Variants in BRIP1 observed in about 807,000 individuals in gnomAD.
BRIP1 encodes BRCA1 interacting DNA helicase 1, also known as Fanconi anemia group J protein.
A neutral mutation model predicts 119.7 loss-of-function variants in BRIP1; 88 were observed. The ratio of observed to expected loss-of-function variants is 0.74; its 90% CI spans 0.62 to 0.88. BRIP1 has a LOEUF of 0.88. Among genes scored for constraint, BRIP1 ranks in the 40% least tolerant of loss-of-function variants. The pLI is 0.00. For synonymous variants in BRIP1, 443 were observed against 496.5 expected, an observed-to-expected ratio of 0.89 and a Z score of 1.43; for missense variants, 1,259 against 1,455.4, an observed-to-expected ratio of 0.87 and a Z score of 2.20.
At position 61,680,181 on chromosome 17, in the gene BRIP1, TAAAAA is replaced by T. The variant is rs35235448; in HGVS notation, c.*3110_*3114del. On this transcript the variant is annotated 3_prime_UTR_variant, in exon 20 of 20. Transcript: ENST00000259008. Reference sequence around the variant, plus strand: ...AACATGGTGAAACCCTGTCGATACTTAAAAAAAAAAAAAAAAAAAAATTAGCTGGG... The same window carrying T: ...AACATGGTGAAACCCTGTCGATACTTAAAAAAAAAAAAAAAATTAGCTGGG... Among the ~76,000 whole-genome samples, 1 of 127,942 alleles carries T rather than the reference TAAAAA, an allele frequency of 7.8e-6. No homozygotes were observed. Among genetic ancestry groups the T allele is most frequent in the African/African-American group, 2.9e-5 (1 of 34,448 alleles). The allele number at this position is 127,942 out of a possible 152,430, so 83.9% of individuals were successfully genotyped here. A position where few individuals can be genotyped will look rare whatever the true frequency, so the allele number is the denominator to read the frequency against.
Position 61,704,476 on chromosome 17 carries a change from T to C in BRIP1, c.2493-10964A>G, listed in dbSNP as rs1178216510. 6.6e-6 allele frequency among the ~76,000 whole-genome samples: 1 copy of C among 152,188 alleles called. No individual in the cohort carries two copies. Among genetic ancestry groups the C allele is most frequent in the Non-Finnish European group, 1.5e-5 (1 of 68,010 alleles). On this transcript the variant is annotated intron_variant, in intron 17 of 19. Transcript: ENST00000259008. The surrounding 1 kb of genome is among the most constrained non-coding windows in gnomAD (Gnocchi z 5.7). ...TAGATAGCTATGCGTGTTATCTGTT[T>C]CATCTTGGCCTCATAAAATAAATTG... is the stretch of plus-strand genomic sequence containing the variant.
Position 61,836,457 on chromosome 17 carries a change from C to T in BRIP1, c.627+10644G>A, listed in dbSNP as rs185593991. Among the ~76,000 whole-genome samples, 15 of 152,238 alleles carry T rather than the reference C, an allele frequency of 9.9e-5. No individual in the cohort carries two copies. In the East Asian group the frequency reaches 2.7e-3, roughly 27 times the overall value. On this transcript the variant is annotated intron_variant, in intron 6 of 19. Transcript: ENST00000259008. ...TCTGCATTAAGTCACCTGTATTTAA[C>T]AATACTGTCATACCCTCTTAGGTAT...
chr17:61,694,966 G>A (rs1165886150), intron 17 of BRIP1, among the ~76,000 whole-genome samples: 1 of 150,076 alleles, frequency 6.7e-6, no homozygotes, highest in African/African-American at 2.5e-5. Context: ...CTCCATATGT[G>A]AGTTGTCTTT....
chr17:61,826,543 C>T lies in BRIP1; in HGVS notation c.628-17786G>A, dbSNP rs1256534416. 4.6e-5 allele frequency among the ~76,000 whole-genome samples: 7 copies of T among 151,186 alleles called. No individual in the cohort carries two copies. The East Asian group carries it at 1.4e-3, about 29-fold the overall frequency. ...AGCTTCCATAAGGAACTTAAATTTA[C>T]AAAGGAAAAACAACCTCATTAAAAA... is the stretch of plus-strand genomic sequence containing the variant. On this transcript the variant is annotated intron_variant, in intron 6 of 19. Transcript: ENST00000259008.
intron 16 of BRIP1, among the ~76,000 whole-genome samples, chr17:61,732,032 A>T (rs2076854887): frequency 8.6e-6 from 1 of 115,786 alleles, no homozygotes; most frequent in South Asian, 3.0e-4. Flanking sequence ...CCCAGGCTGG[A>T]GTGCAGTGGA....
intron 6 of BRIP1, among the ~76,000 whole-genome samples, chr17:61,811,086 A>G (rs1480691712): frequency 6.6e-6 from 1 of 152,216 alleles, no homozygotes; most frequent in Admixed American, 6.5e-5. Context: ...CATAATTCAG[A>G]ATATTATAAA....
rs2078134975 is a variant in BRIP1, at chr17:61,809,836, T to C, written c.628-1079A>G. On this transcript the variant is annotated intron_variant, in intron 6 of 19. Coordinates refer to ENST00000259008, the MANE Select transcript of BRIP1 (RefSeq NM_032043.3). The surrounding 1 kb of genome is among the most constrained non-coding windows in gnomAD (Gnocchi z 5.2). ...ACTTGACTGTTTTTTTTTATTATTG[T>C]AATCAGTAAGATTAGCCTTCATAAA... Among the ~76,000 whole-genome samples the C allele has an allele frequency of 6.6e-6, 1 of 152,210 alleles. No individual in the cohort carries two copies. The highest frequency in any genetic ancestry group is 2.4e-5 in the African/African-American group (1 of 41,468).
At position 61,814,373 on chromosome 17, in the gene BRIP1, G is replaced by A. The variant is rs530724773; in HGVS notation, c.628-5616C>T. ...AGTGCTTACAGTCAAGTGAGGATCA[G>A]TATCTACAACATATAAAGAATTCCA... On this transcript the variant is annotated intron_variant, in intron 6 of 19. Transcript: ENST00000259008. The surrounding 1 kb of genome is among the most constrained non-coding windows in gnomAD (Gnocchi z 4.9). Among the ~76,000 whole-genome samples, 104 of 152,142 alleles carry A rather than the reference G, an allele frequency of 6.8e-4. 1 individual carries two copies. The highest frequency in any genetic ancestry group is 2.3e-3 in the African/African-American group (97 of 41,558).
At chr17:61,715,886 C>A in intron 17 of BRIP1, 65 bp downstream of exon 17, 1 of 1,072,772 alleles carries the variant, frequency 9.3e-7, no homozygotes, top group Non-Finnish European at 1.4e-6. Flanking sequence ...AGTAAAGTAG[C>A]AAGACTAGAT....
At position 61,815,110 on chromosome 17, in the gene BRIP1, G is replaced by C. The variant is rs2145480274; in HGVS notation, c.628-6353C>G. ...AACATACCTGAAAAATGCTAGAAGT[G>C]CTGGAAAAAAAAAAAAAAACCCACA... is the stretch of plus-strand genomic sequence containing the variant. On this transcript the variant is annotated intron_variant, in intron 6 of 19. Transcript: ENST00000259008. This position sits in a 1 kb window ranked among gnomAD's most constrained non-coding sequence, Gnocchi z 4.1. Among the ~76,000 whole-genome samples, 1 of 68,256 alleles carries C rather than the reference G, an allele frequency of 1.5e-5. No individual in the cohort carries two copies. 44.8% of individuals were successfully genotyped at this position (68,256 alleles called of 152,430 possible).
rs563411633 is a variant in BRIP1 at position 61,804,036 on chromosome 17, T to C, written c.919-2562A>G. Among the ~76,000 whole-genome samples the C allele has an allele frequency of 1.6e-3, 237 of 152,294 alleles. 1 individual carries two copies. The highest frequency in any genetic ancestry group is 5.6e-3 in the African/African-American group (233 of 41,582). On this transcript the variant is annotated intron_variant, in intron 7 of 19. Transcript: ENST00000259008. This position sits in a 1 kb window ranked among gnomAD's most constrained non-coding sequence, Gnocchi z 4.5. Reference sequence around the variant, plus strand: ...AACGTGTATAGAATGATTAAATTCATGTAAATTGCTTTTTTAAAGAATATG... The same window carrying C: ...AACGTGTATAGAATGATTAAATTCACGTAAATTGCTTTTTTAAAGAATATG...
rs1366696226 is a variant in BRIP1 at position 61,846,258 on chromosome 17, GAGAA to G, written c.627+839_627+842del. Among the ~76,000 whole-genome samples, 2 of 149,224 alleles carry G rather than the reference GAGAA, an allele frequency of 1.3e-5. No individual in the cohort carries two copies. Among genetic ancestry groups the G allele is most frequent in the South Asian group, 2.1e-4 (1 of 4,800 alleles). On this transcript the variant is annotated intron_variant, in intron 6 of 19. Coordinates refer to ENST00000259008, the MANE Select transcript of BRIP1 (RefSeq NM_032043.3). The surrounding 1 kb of genome is among the most constrained non-coding windows in gnomAD (Gnocchi z 4.3). ...AGAGAGAGAGAAAAAGAGAGAGAGA[GAGAA>G]AGAGAGAGAGAGAGAGGTTGGAGCC...
At position 61,780,204 on chromosome 17, in the gene BRIP1, T is replaced by C. The variant is rs1021811796; in HGVS notation, c.1935+57A>G. 3 of 1,537,366 alleles carry C rather than the reference T, an allele frequency of 2.0e-6. No individual in the cohort carries two copies. The highest frequency in any genetic ancestry group is 1.4e-5 in the African/African-American group (1 of 72,780). ...TCAGGTATCTTCTAACTTGTTTACA[T>C]AGTTATATTGAAGTAGAAACACTGA... is the stretch of plus-strand genomic sequence containing the variant. On this transcript the variant is annotated intron_variant, in intron 13 of 19. Transcript: ENST00000259008. This position sits in a 1 kb window ranked among gnomAD's most constrained non-coding sequence, Gnocchi z 5.4.
At position 61,744,158 on chromosome 17, in the gene BRIP1, C is replaced by T. The variant is rs896556547; in HGVS notation, c.2257+274G>A. On this transcript the variant is annotated intron_variant, in intron 15 of 19. Transcript: ENST00000259008. The surrounding 1 kb of genome is among the most constrained non-coding windows in gnomAD (Gnocchi z 5.0). ...AATATATTTATATATATCCTAACTG[C>T]CTTTTTGCACAAACTATTTCAGGTA... Among the ~76,000 whole-genome samples, 14 of 152,118 alleles carry T rather than the reference C, an allele frequency of 9.2e-5. No individual in the cohort carries two copies. Among genetic ancestry groups the T allele is most frequent in the African/African-American group, 3.4e-4 (14 of 41,418 alleles).
Position 61,683,825 on chromosome 17 carries a change from A to G in BRIP1, c.3221T>C (p.Ile1074Thr), listed in dbSNP as rs1219988835. 6.2e-7 allele frequency: 1 copy of G among 1,614,182 alleles called. No individual in the cohort carries two copies. The highest frequency in any genetic ancestry group is 2.2e-5 in the East Asian group (1 of 44,886). ...GGTGGCATCAATCTTTAATGATGAA[A>G]TAATGGTTTCTGATTGAGGGCATGA... is the stretch of plus-strand genomic sequence containing the variant. ...FGSCPQSETI[I>T]SSLKIDATLT... The change falls in exon 20 of 20, where the codon ATT becomes ACT. Residue 1074 changes from isoleucine (I) to threonine (T), a missense_variant. Around this residue, in one of 3 missense-constraint regions of BRIP1, gnomAD observed 753 missense variants for 891.8 expected, o/e 0.84. Coordinates refer to ENST00000259008, the MANE Select transcript of BRIP1 (RefSeq NM_032043.3). The surrounding 1 kb of genome is among the most constrained non-coding windows in gnomAD (Gnocchi z 4.7).
Position 61,799,694 on chromosome 17 carries a change from C to A in BRIP1, c.1141-395G>T, listed in dbSNP as rs542099491. Among the ~76,000 whole-genome samples the A allele has an allele frequency of 5.3e-5, 8 of 152,072 alleles. No homozygotes were observed. The highest frequency in any genetic ancestry group is 1.9e-4 in the African/African-American group (8 of 41,504). On this transcript the variant is annotated intron_variant, in intron 8 of 19. Coordinates refer to ENST00000259008, the MANE Select transcript of BRIP1 (RefSeq NM_032043.3). The surrounding 1 kb of genome is among the most constrained non-coding windows in gnomAD (Gnocchi z 5.1). ...ACAATATAAGATTAAAAGCATAAGA[C>A]CTTTAAAAGTAAAATAACAATACAA...
At chr17:61,714,132 C>A (rs2061822405) in intron 17 of BRIP1, among the ~76,000 whole-genome samples, 1 of 151,972 alleles carries the variant, frequency 6.6e-6, no homozygotes, top group South Asian at 2.1e-4. Context: ...GCAACATAGC[C>A]ATACCTCATC....
rs371554611 is a variant in BRIP1, at chr17:61,810,266, TGTCAACAGTGAG to T, written c.628-1521_628-1510del. Reference sequence around the variant, plus strand: ...AAAGAAGAGTTATGAATGGGGCTCTTGTCAACAGTGAGGCAGGAAACAGCTGACATGTGGTTT... The same window carrying T: ...AAAGAAGAGTTATGAATGGGGCTCTTGCAGGAAACAGCTGACATGTGGTTT... On this transcript the variant is annotated intron_variant, in intron 6 of 19. Transcript: ENST00000259008. This position sits in a 1 kb window ranked among gnomAD's most constrained non-coding sequence, Gnocchi z 4.7. 6.6e-6 allele frequency among the ~76,000 whole-genome samples: 1 copy of T among 152,314 alleles called. No homozygotes were observed. The highest frequency in any genetic ancestry group is 1.9e-4 in the East Asian group (1 of 5,186).
chr17:61,776,361 G>A lies in BRIP1; in HGVS notation c.2097+40C>T, dbSNP rs929950840. ...GCATGCCAATGTTTAAAATGTAAAT[G>A]ATTATTTAAAGGCAAAAGAAACAAT... On this transcript the variant is annotated intron_variant, in intron 14 of 19. Transcript: ENST00000259008. This position sits in a 1 kb window ranked among gnomAD's most constrained non-coding sequence, Gnocchi z 5.0. 2 of 1,607,146 alleles carry A rather than the reference G, an allele frequency of 1.2e-6. No homozygotes were observed. The highest frequency in any genetic ancestry group is 1.3e-5 in the African/African-American group (1 of 74,744).
Sources: allele counts gnomAD v4.1 joint callset (sites outside exome capture counted in the v4.1 genomes callset), GRCh38; gene constraint gnomAD v4.1.1; regional missense constraint gnomAD v4.1.1; non-coding constraint Gnocchi (gnomAD v3.1); transcripts MANE v1.5; gene names NCBI Gene and HGNC (gene_info 2026-07-23, HGNC 2026-07-21).